DSP: variants seen among roughly 807,000 people sequenced by gnomAD.
DSP encodes desmoplakin.
Under a neutral mutation model 290.6 loss-of-function variants are expected in DSP, and 114 were observed. The ratio of observed to expected loss-of-function variants is 0.39; its 90% CI spans 0.34 to 0.46. The LOEUF (loss-of-function observed/expected upper bound fraction) is 0.46, where lower values mean the gene tolerates loss of function less well. Among genes scored for constraint, DSP ranks in the 20% least tolerant of loss-of-function variants. The pLI is 0.99. For missense variants in DSP, 3,230 were observed against 3,495.8 expected (o/e 0.92, Z 1.92); for synonymous variants, 1,311 against 1,316.4 (o/e 1.00, Z 0.09).
At chr6:7,543,107 A>T (rs1198661691) in intron 1 of DSP, among the ~76,000 whole-genome samples, 1 of 152,096 alleles carries the variant, frequency 6.6e-6, no homozygotes, top group Non-Finnish European at 1.5e-5. Flanking sequence ...GGGTCTCGGG[A>T]GCTGGACTCT....
intron 1 of DSP, among the ~76,000 whole-genome samples, chr6:7,546,619 G>T (rs1009751333): frequency 2.6e-5 from 4 of 152,206 alleles, no homozygotes; most frequent in African/African-American, 7.2e-5. Context: ...CGCAAGAGAA[G>T]ATTAAACCTG....
chr6:7,571,666 G>C, intron 14 of DSP, 82 bp downstream of exon 14: 1 of 1,576,708 alleles, frequency 6.3e-7, no homozygotes, highest in Admixed American at 1.7e-5. Flanking sequence ...ACTGGTTTCA[G>C]AACCATTTCT....
intron 6 of DSP, among the ~76,000 whole-genome samples, chr6:7,564,604 A>G (rs565262807): frequency 3.0e-4 from 45 of 152,328 alleles, no homozygotes; most frequent in Non-Finnish European, 4.7e-4. Flanking sequence ...AAGTTCTAAT[A>G]TTTGATAGTA....
chr6:7,569,416 C>T, intron 12 of DSP, 76 bp downstream of exon 12: 2 of 1,606,278 alleles, frequency 1.2e-6, no homozygotes, highest in South Asian at 1.1e-5. Context: ...GGTGTTTATA[C>T]CTGAAGCTTA....
Position 7,568,401 on chromosome 6 carries a change from A to G in DSP, c.1267-36A>G, listed in dbSNP as rs550528105. Reference sequence around the variant, plus strand: ...AAATCTCCTCTAAAACTCACAGGGTATCTATGTTTAAGTATGATTTTATTC... The same window carrying G: ...AAATCTCCTCTAAAACTCACAGGGTGTCTATGTTTAAGTATGATTTTATTC... On this transcript the variant is annotated intron_variant, in intron 10 of 23. Coordinates refer to ENST00000379802, the MANE Select transcript of DSP (RefSeq NM_004415.4). The G allele has an allele frequency of 1.1e-5, 17 of 1,611,076 alleles. No homozygotes were observed. In the South Asian group the frequency reaches 1.5e-4, roughly 15 times the overall value.
At chr6:7,564,497 G>T (rs1211559900) in intron 6 of DSP, among the ~76,000 whole-genome samples, 2 of 152,102 alleles carry the variant, frequency 1.3e-5, no homozygotes, top group Non-Finnish European at 2.9e-5. Context: ...TTGGGGAGAA[G>T]GTAGGAAAAG....
rs772365921 is a variant in DSP at position 7,585,306 on chromosome 6, C to G, written c.8044C>G (p.Gln2682Glu). 10 of 1,614,030 alleles carry G rather than the reference C, an allele frequency of 6.2e-6. No homozygotes were observed. In the East Asian group the frequency reaches 2.2e-4, roughly 36 times the overall value. ...QDAVSQGVID[Q>E]DMATRLKPAQ... Reference sequence around the variant, plus strand: ...CGCAGTCTCCCAGGGTGTGATTGACCAAGACATGGCCACCAGGCTGAAGCC... The same window carrying G: ...CGCAGTCTCCCAGGGTGTGATTGACGAAGACATGGCCACCAGGCTGAAGCC... The change falls in exon 24 of 24, where the codon CAA (glutamine) becomes GAA (glutamate). Residue 2682 changes from glutamine to glutamate, a missense_variant. Coordinates refer to ENST00000379802, the MANE Select transcript of DSP (RefSeq NM_004415.4).
chr6:7,580,859 ACGCGGTT>A lies in DSP; in HGVS notation c.4671_4677del (p.Phe1559ThrfsTer3). The A allele has an allele frequency of 6.2e-7, 1 of 1,614,174 alleles. No individual in the cohort carries two copies. The highest frequency in any genetic ancestry group is 1.1e-5 in the South Asian group (1 of 91,086). ...GAGGACTGTGAAGGACCAGGATATC[ACGCGGTT>A]CCAGAACTCTCTGAAAGAGCTGCAG... On this transcript the variant is annotated frameshift_variant, in exon 23 of 24. Coordinates refer to ENST00000379802, the MANE Select transcript of DSP (RefSeq NM_004415.4). LOFTEE classifies it high-confidence loss of function. The surrounding 1 kb of genome is among the most constrained non-coding windows in gnomAD (Gnocchi z 4.2).
At chr6:7,545,808 G>A (rs1255536438) in intron 1 of DSP, among the ~76,000 whole-genome samples, 1 of 152,240 alleles carries the variant, frequency 6.6e-6, no homozygotes, top group Non-Finnish European at 1.5e-5. Context: ...TTTCAGCTGT[G>A]TCAGGATGGG....
At chr6:7,574,536 A>G (rs1430047468) in intron 16 of DSP, 121 bp from the exon 17 acceptor site, 4 of 1,460,764 alleles carry the variant, frequency 2.7e-6, no homozygotes, top group Middle Eastern at 2.1e-4. Flanking sequence ...ACCAAAAAAC[A>G]GACAAAATAA....
intron 13 of DSP, among the ~76,000 whole-genome samples, chr6:7,571,022 G>C (rs1433954897): frequency 6.6e-6 from 1 of 152,174 alleles, no homozygotes; most frequent in Non-Finnish European, 1.5e-5. Flanking sequence ...TCCTTTAGGA[G>C]TGACAGGGAT....
intron 21 of DSP, 31 bp from the exon 22 acceptor site, chr6:7,578,433 C>A (rs1759314938): frequency 3.2e-6 from 5 of 1,584,296 alleles, no homozygotes; most frequent in East Asian, 2.2e-5. Context: ...AATGCAATAT[C>A]TTTTTCTTTC....
Position 7,583,990 on chromosome 6 carries a change from AT to A in DSP, c.6729del (p.Tyr2243Ter). 6.2e-7 allele frequency: 1 copy of A among 1,614,202 alleles called. No homozygotes were observed. The highest frequency in any genetic ancestry group is 8.5e-7 in the Non-Finnish European group (1 of 1,180,036). On this transcript the variant is annotated frameshift_variant, in exon 24 of 24. Coordinates refer to ENST00000379802, the MANE Select transcript of DSP (RefSeq NM_004415.4). LOFTEE classifies it high-confidence loss of function. This position sits in a 1 kb window ranked among gnomAD's most constrained non-coding sequence, Gnocchi z 4.0. The part of the protein sequence containing the change: ...VNELESGQIS[Y>X]DEVGERIKDF... ...GAACTGGAATCTGGTCAGATTTCTT[AT>A]GACGAGGTTGGTGAGAGAATTAAGG...
At chr6:7,573,573 G>C (rs1337375916) in intron 15 of DSP, among the ~76,000 whole-genome samples, 2 of 148,762 alleles carry the variant, frequency 1.3e-5, no homozygotes, top group African/African-American at 5.0e-5. Context: ...GCGAGACTCT[G>C]TCTCAAAAAA....
In DSP at chr6:7,567,920, C is replaced by T; in HGVS notation, c.1266+14C>T. Reference sequence around the variant, plus strand: ...AAGGAGCTGGAGGTATCGTCTCAGACCCAGAACCTCAGCAGCTGTGCCTGA... The same window carrying T: ...AAGGAGCTGGAGGTATCGTCTCAGATCCAGAACCTCAGCAGCTGTGCCTGA... On this transcript the variant is annotated intron_variant, in intron 10 of 23. Transcript: ENST00000379802. 1 of 1,612,932 alleles carries T rather than the reference C, an allele frequency of 6.2e-7. No individual in the cohort carries two copies. Among genetic ancestry groups the T allele is most frequent in the Non-Finnish European group, 8.5e-7 (1 of 1,179,668 alleles).
chr6:7,543,328 T>C (rs1758073094), intron 1 of DSP, among the ~76,000 whole-genome samples: 2 of 151,690 alleles, frequency 1.3e-5, no homozygotes, highest in African/African-American at 4.8e-5. Context: ...ACTACTCGAG[T>C]TGCAACCTGT....
rs368402334 is a variant in DSP at position 7,584,689 on chromosome 6, A to G, written c.7427A>G (p.Glu2476Gly). 3 of 1,614,076 alleles carry G rather than the reference A, an allele frequency of 1.9e-6. No homozygotes were observed. Among genetic ancestry groups the G allele is most frequent in the Non-Finnish European group, 2.5e-6 (3 of 1,180,052 alleles). ...VVIVDPETNK[E>G]MSVQEAYKKG... ...ATAGTTGACCCAGAAACCAATAAAG[A>G]AATGTCTGTTCAGGAGGCCTACAAG... Residue 2476 changes from glutamate to glycine, a missense_variant, in exon 24 of 24, where the codon GAA (glutamate) becomes GGA (glycine). By Grantham distance (98) the Glu-to-Gly change is moderately conservative (BLOSUM62 -2). Around this residue, in one of 5 missense-constraint regions of DSP, gnomAD observed 582 missense variants for 555.4 expected, o/e 1.05. Coordinates refer to ENST00000379802, the MANE Select transcript of DSP (RefSeq NM_004415.4). This position sits in a 1 kb window ranked among gnomAD's most constrained non-coding sequence, Gnocchi z 6.4.
chr6:7,563,810 G>C, intron 6 of DSP, 24 bp downstream of exon 6: 1 of 1,607,300 alleles, frequency 6.2e-7, no homozygotes, highest in South Asian at 1.1e-5. Flanking sequence ...TTTCTCAAGT[G>C]CATCGACTTT....
chr6:7,541,865 C>A lies in DSP; in HGVS notation c.-51C>A. ...CCCCCTCCGCTTTCTCCGCGCCGGC[C>A]CGCCTCGCTTATGCCTCGGCGCTGA... is the stretch of plus-strand genomic sequence containing the variant. On this transcript the variant is annotated 5_prime_UTR_variant, in exon 1 of 24. Transcript: ENST00000379802. The A allele has an allele frequency of 6.4e-7, 1 of 1,567,358 alleles. No individual in the cohort carries two copies. Among genetic ancestry groups the A allele is most frequent in the Non-Finnish European group, 8.6e-7 (1 of 1,158,470 alleles).
Sources: gnomAD v4.1 joint callset for allele counts (sites outside exome capture counted in the v4.1 genomes callset) on GRCh38, gnomAD v4.1.1 for gene constraint, gnomAD v4.1.1 regional missense constraint, Gnocchi (gnomAD v3.1) non-coding constraint, MANE v1.5 for transcripts, NCBI Gene and HGNC (gene_info 2026-07-23, HGNC 2026-07-21) for gene names.